The following ANK2 variants were observed in gnomAD, a reference collection of about 807,000 sequenced individuals.
ANK2 encodes the protein ankyrin-2.
In ANK2, 83 loss-of-function variants were observed where a neutral mutation model predicts 360.5. The observed-to-expected ratio is 0.23, with a 90% CI of 0.19 to 0.28. ANK2 has a LOEUF of 0.28. Among genes scored for constraint, ANK2 ranks in the 10% least tolerant of loss-of-function variants. The pLI is 1.00. For missense variants in ANK2, 4,201 were observed against 4,795.7 expected (o/e 0.88, Z 3.66); for synonymous variants, 1,740 against 1,759.5 (o/e 0.99, Z 0.28).
At chr4:112,715,982 C>T in the ANK2 span, among the ~76,000 whole-genome samples, 1 of 152,252 alleles carries the variant, frequency 6.6e-6, no homozygotes, top group East Asian at 1.9e-4. Context: ...TGCTTGATAC[C>T]TGGCAGTTGG....
chr4:113,109,656 T>A (rs1475559547), intron 1 of ANK2, among the ~76,000 whole-genome samples: 1 of 152,204 alleles, frequency 6.6e-6, no homozygotes, highest in African/African-American at 2.4e-5. Flanking sequence ...GCAATTTCCC[T>A]GCTTGCTTAT....
chr4:113,160,365 G>A (rs746734201), intron 1 of ANK2: 37 of 414,654 alleles, frequency 8.9e-5, no homozygotes, highest in Middle Eastern at 6.8e-4. Flanking sequence ...CACATCCAGC[G>A]GGTAAAGGAA....
In ANK2 at chr4:113,365,098, G is replaced by C. The variant is rs746987182; in HGVS notation, c.10948G>C (p.Glu3650Gln). 50 of 1,613,842 alleles carry C rather than the reference G, an allele frequency of 3.1e-5. No individual in the cohort carries two copies. Among genetic ancestry groups the C allele is most frequent in the Admixed American group, 8.3e-5 (5 of 59,986 alleles). The change falls in exon 41 of 46, where the codon GAG becomes CAG. Residue 3650 changes from glutamate to glutamine, a missense_variant. Physicochemically the swap from Glu to Gln is conservative, Grantham distance 29. This residue lies in a region of ANK2 where 2,642 missense variants were observed against 2,714.5 expected (regional missense o/e 0.97). Coordinates refer to ENST00000357077, the MANE Select transcript of ANK2 (RefSeq NM_001148.6). Reference sequence around the variant, plus strand: ...CCGAATGGATATTGTTCATCTCATGGAGACCAACACAGAACCTCTCCAGGA... The same window carrying C: ...CCGAATGGATATTGTTCATCTCATGCAGACCAACACAGAACCTCTCCAGGA... ...INRMDIVHLM[E>Q]TNTEPLQERI...
Position 113,250,759 on chromosome 4 carries a change from C to CCCT in ANK2, c.990+899_990+900insTCC, listed in dbSNP as rs1554340086. On this transcript the variant is annotated intron_variant, in intron 10 of 45. Coordinates refer to ENST00000357077, the MANE Select transcript of ANK2 (RefSeq NM_001148.6). Reference sequence around the variant, plus strand: ...TCCATTCCACCTCATACCACCGCCCCCCCCCCCGACAGAGTTGGTATCAAC... The same window carrying CCCT: ...TCCATTCCACCTCATACCACCGCCCCCCTCCCCCCCGACAGAGTTGGTATCAAC... Among the ~76,000 whole-genome samples the CCCT allele has an allele frequency of 3.0e-5, 4 of 134,620 alleles. 1 individual carries two copies. Among genetic ancestry groups the CCCT allele is most frequent in the Non-Finnish European group, 6.6e-5 (4 of 60,536 alleles). The allele number at this position is 134,620 out of a possible 152,430, so 88.3% of individuals were successfully genotyped here. A position where few individuals can be genotyped will look rare whatever the true frequency, so the allele number is the denominator to read the frequency against.
rs548963656 is a variant in ANK2, at chr4:112,850,445, C to CTTT, written c.-40+32197_-40+32199dup. Among the ~76,000 whole-genome samples the CTTT allele has an allele frequency of 9.4e-3, 699 of 74,246 alleles. 13 individuals are homozygous for CTTT. The highest frequency in any genetic ancestry group is 0.014 in the Non-Finnish European group (568 of 39,730). 48.7% of individuals were successfully genotyped at this position (74,246 alleles called of 152,430 possible). A position where few individuals can be genotyped will look rare whatever the true frequency, so the allele number is the denominator to read the frequency against. Reference sequence around the variant, plus strand: ...AGGGTTTAAGAGTTGTTGTTCGTTTCTTTTTTTTTTTTTTTTTTCATAGTG... The same window carrying CTTT: ...AGGGTTTAAGAGTTGTTGTTCGTTTCTTTTTTTTTTTTTTTTTTTTTCATAGTG... On this transcript the variant is annotated intron_variant, in intron 1 of 30. Coordinates refer to the ANK2 transcript ENST00000503271.
intron 1 of ANK2, among the ~76,000 whole-genome samples, chr4:112,825,591 A>T (rs1310633705): frequency 6.6e-6 from 1 of 152,226 alleles, no homozygotes; most frequent in Non-Finnish European, 1.5e-5. Flanking sequence ...GGGAGGAAAG[A>T]TTTCTTTTCC....
chr4:112,842,742 CGCAGACTGGGG>C (rs1319024769), intron 1 of ANK2, among the ~76,000 whole-genome samples: 2 of 152,186 alleles, frequency 1.3e-5, no homozygotes, highest in Non-Finnish European at 2.9e-5. Context: ...CCTGTTGGGC[CGCAGACTGGGG>C]ACTGGGGACC....
chr4:113,360,274 T>C (rs539360778), intron 38 of ANK2, among the ~76,000 whole-genome samples: 9 of 152,288 alleles, frequency 5.9e-5, no homozygotes, highest in African/African-American at 2.2e-4. Context: ...ATGCATATGC[T>C]TTTATCCTCG....
chr4:112,844,155 T>G (rs1021470462), intron 1 of ANK2, among the ~76,000 whole-genome samples: 2 of 152,178 alleles, frequency 1.3e-5, no homozygotes, highest in African/African-American at 4.8e-5. Flanking sequence ...CATTTCCCTA[T>G]TTTGAGAAGG....
the ANK2 span, among the ~76,000 whole-genome samples, chr4:112,725,453 C>T: frequency 8.1e-5 from 12 of 147,816 alleles, no homozygotes; most frequent in South Asian, 2.2e-4. Flanking sequence ...CTCTGCCTCC[C>T]GGGTTCACGC....
intron 2 of ANK2, among the ~76,000 whole-genome samples, chr4:112,968,075 A>G (rs941412895): frequency 2.6e-4 from 40 of 152,150 alleles, no homozygotes; most frequent in African/African-American, 9.2e-4. Context: ...GATTTGCCCA[A>G]TCATGGAATG....
intron 34 of ANK2, among the ~76,000 whole-genome samples, 163 bp from the exon 35 acceptor site, chr4:113,345,737 A>C (rs560379656): frequency 6.6e-6 from 1 of 152,220 alleles, no homozygotes; most frequent in East Asian, 1.9e-4. Flanking sequence ...AATGATTTTT[A>C]AAAAGGCTTT....
chr4:113,204,395 G>A (rs1051355097), intron 4 of ANK2, among the ~76,000 whole-genome samples: 1 of 152,124 alleles, frequency 6.6e-6, no homozygotes, highest in Admixed American at 6.5e-5. Context: ...TATAGAAGAA[G>A]GGAAGGGCTA....
chr4:113,378,657 A>G (rs2097052191), intron 45 of ANK2, among the ~76,000 whole-genome samples: 1 of 152,234 alleles, frequency 6.6e-6, no homozygotes, highest in African/African-American at 2.4e-5. Flanking sequence ...TAACATAAGC[A>G]TGAGTTTGAT....
In ANK2 at chr4:112,958,887, C is replaced by T. The variant is rs532236847; in HGVS notation, c.21+54373C>T. Among the ~76,000 whole-genome samples the T allele has an allele frequency of 4.0e-5, 6 of 151,636 alleles. No homozygotes were observed. The East Asian group carries it at 9.8e-4, about 25-fold the overall frequency. On this transcript the variant is annotated intron_variant, in intron 2 of 30. Coordinates refer to the ANK2 transcript ENST00000503271. ...TTTGGTGATGAAGCCTTGCTCTTAT[C>T]CCCCAGGCTGGAGTGCGATGGCATG...
rs747972865 is a variant in ANK2 at position 113,358,481 on chromosome 4, C to T, written c.9863C>T (p.Pro3288Leu). The T allele has an allele frequency of 1.9e-6, 3 of 1,613,962 alleles. No individual in the cohort carries two copies. The highest frequency in any genetic ancestry group is 2.5e-6 in the Non-Finnish European group (3 of 1,179,982). Reference protein sequence around the residue: ...PEEQKSVIEIPTAPMENVPFT... With the variant: ...PEEQKSVIEILTAPMENVPFT... ...GAACAGAAATCAGTAATCGAGATTC[C>T]TACTGCACCCATGGAGAATGTGCCT... The change falls in exon 38 of 46, where the codon CCT (proline) becomes CTT (leucine). Residue 3288 changes from proline (P) to leucine (L), a missense_variant. Coordinates refer to ENST00000357077, the MANE Select transcript of ANK2 (RefSeq NM_001148.6).
intron 1 of ANK2, among the ~76,000 whole-genome samples, chr4:112,836,095 A>G (rs1383342860): frequency 6.6e-6 from 1 of 152,056 alleles, no homozygotes; most frequent in Non-Finnish European, 1.5e-5. Flanking sequence ...TCTCATCTCA[A>G]ATTATAATCC....
intron 2 of ANK2, among the ~76,000 whole-genome samples, chr4:112,930,357 A>C (rs942971898): frequency 3.3e-5 from 5 of 151,730 alleles, no homozygotes; most frequent in Admixed American, 1.3e-4. Flanking sequence ...CTGAGGTGGG[A>C]GGATCACCTG....
chr4:113,182,072 C>A (rs962847709), intron 2 of ANK2, among the ~76,000 whole-genome samples: 8 of 152,080 alleles, frequency 5.3e-5, no homozygotes, highest in Admixed American at 4.6e-4. Flanking sequence ...GAGCAACAGG[C>A]AGGAGAATTG....
Sources: allele counts gnomAD v4.1 joint callset (sites outside exome capture counted in the v4.1 genomes callset), GRCh38; gene constraint gnomAD v4.1.1; regional missense constraint gnomAD v4.1.1; transcripts MANE v1.5; gene names NCBI Gene and HGNC (gene_info 2026-07-23, HGNC 2026-07-21).